LARGE1: variants seen among roughly 807,000 people sequenced by gnomAD.
LARGE1 encodes xylosyl- and glucuronyltransferase LARGE1.
A neutral mutation model predicts 87.6 loss-of-function variants in LARGE1; 43 were observed. The ratio of observed to expected loss-of-function variants is 0.49; its 90% CI spans 0.38 to 0.63. The LOEUF (loss-of-function observed/expected upper bound fraction) is 0.63. Ranked by LOEUF, LARGE1 falls within the 30% of genes least tolerant of loss-of-function variation. The pLI, the probability that LARGE1 is intolerant of heterozygous loss-of-function variation, is 0.00. For synonymous variants in LARGE1, 434 were observed against 394.6 expected, an observed-to-expected ratio of 1.10 and a Z score of -1.18; for missense variants, 802 against 1,000.2, an observed-to-expected ratio of 0.80 and a Z score of 2.67.
chr22:33,128,015 A>G, the LARGE1 span, among the ~76,000 whole-genome samples: 4 of 152,142 alleles, frequency 2.6e-5, no homozygotes, highest in Admixed American at 6.5e-5. Context: ...TCATACATAT[A>G]TTAGTATGCT....
intron 6 of LARGE1, among the ~76,000 whole-genome samples, chr22:33,508,245 T>G (rs984682433): frequency 1.3e-5 from 2 of 152,140 alleles, no homozygotes; most frequent in African/African-American, 4.8e-5. Flanking sequence ...TTCTGAAGAC[T>G]CTACTGGTGG....
intron 1 of LARGE1, among the ~76,000 whole-genome samples, chr22:33,815,909 C>A (rs2086635034): frequency 6.6e-6 from 1 of 152,142 alleles, no homozygotes; most frequent in African/African-American, 2.4e-5. Context: ...GCTGCTGAAC[C>A]ATTTGCAGAT....
intron 2 of LARGE1, among the ~76,000 whole-genome samples, chr22:33,703,577 A>C (rs573301909): frequency 6.6e-5 from 10 of 152,308 alleles, no homozygotes; most frequent in African/African-American, 2.4e-4. Flanking sequence ...CTTATAAGAG[A>C]GATGCAGGAA....
At chr22:33,384,704 A>G (rs1253563869) in intron 7 of LARGE1, among the ~76,000 whole-genome samples, 2 of 148,500 alleles carry the variant, frequency 1.3e-5, no homozygotes, top group African/African-American at 4.9e-5. Context: ...AACAATGTGA[A>G]TGGACTTCAT....
intron 9 of LARGE1, among the ~76,000 whole-genome samples, chr22:33,374,445 G>A (rs544919704): frequency 7.9e-5 from 12 of 152,128 alleles, no homozygotes; most frequent in African/African-American, 2.4e-4. Context: ...AAGATTCCAC[G>A]TAAGTTTCTC....
intron 11 of LARGE1, among the ~76,000 whole-genome samples, chr22:33,209,367 A>G (rs1207698340): frequency 6.6e-6 from 1 of 152,194 alleles, no homozygotes; most frequent in East Asian, 1.9e-4. Context: ...AGCTCTTCAC[A>G]GTGATAGTAT....
At chr22:33,346,213 C>T (rs1184416757) in intron 9 of LARGE1, among the ~76,000 whole-genome samples, 2 of 151,930 alleles carry the variant, frequency 1.3e-5, no homozygotes, top group African/African-American at 4.8e-5. Context: ...CAATACCCTA[C>T]CTTCTTTTCT....
At chr22:33,577,814 C>T (rs1176758151) in intron 5 of LARGE1, among the ~76,000 whole-genome samples, 1 of 152,132 alleles carries the variant, frequency 6.6e-6, no homozygotes, top group African/African-American at 2.4e-5. Context: ...CAGAGTTGTC[C>T]CTTTATTAAT....
chr22:33,564,697 T>G (rs1448395594), intron 6 of LARGE1, 151 bp downstream of exon 6: 1 of 735,012 alleles, frequency 1.4e-6, no homozygotes, highest in African/African-American at 1.7e-5. Flanking sequence ...CCAAGCAGAG[T>G]TGATATTGAA....
chr22:33,072,502 T>G, the LARGE1 span, among the ~76,000 whole-genome samples: 1 of 152,156 alleles, frequency 6.6e-6, no homozygotes, highest in African/African-American at 2.4e-5. Flanking sequence ...ACTGGTGGTT[T>G]TTAAATTCCT....
At chr22:33,814,071 G>A (rs1463322892) in intron 1 of LARGE1, among the ~76,000 whole-genome samples, 1 of 152,178 alleles carries the variant, frequency 6.6e-6, no homozygotes, top group Admixed American at 6.6e-5. Context: ...GAGGCCAAGA[G>A]TGTAAATCAT....
chr22:33,300,965 G>T (rs1934065249), intron 12 of LARGE1, among the ~76,000 whole-genome samples: 1 of 152,180 alleles, frequency 6.6e-6, no homozygotes, highest in Non-Finnish European at 1.5e-5. Context: ...GTTAGCCACT[G>T]CACCTGGCCA....
intron 1 of LARGE1, among the ~76,000 whole-genome samples, chr22:33,768,284 C>T (rs1390480922): frequency 6.6e-6 from 1 of 152,082 alleles, no homozygotes; most frequent in Non-Finnish European, 1.5e-5. Flanking sequence ...GGCGACAGAG[C>T]GAGACTCCGT....
rs150458375 is a variant in LARGE1, at chr22:33,850,226, A to ATAACAC, written c.-83+69763_-83+69768dup. On this transcript the variant is annotated intron_variant, in intron 1 of 14. Coordinates refer to ENST00000397394, the MANE Select transcript of LARGE1 (RefSeq NM_133642.5). ...CCAGGCCCTACCACCAGCAGCAGCA[A>ATAACAC]TAACACGGCCTTCAAACAGGGATTT... Among the ~76,000 whole-genome samples the ATAACAC allele has an allele frequency of 9.5e-3, 1,441 of 152,326 alleles. 19 individuals are homozygous for ATAACAC. Among genetic ancestry groups the ATAACAC allele is most frequent in the African/African-American group, 0.031 (1,309 of 41,564 alleles).
intron 1 of LARGE1, among the ~76,000 whole-genome samples, chr22:33,807,816 C>T (rs576326965): frequency 1.3e-5 from 2 of 152,308 alleles, no homozygotes; most frequent in South Asian, 2.1e-4. Context: ...TCTTCCATGT[C>T]TTTTCATGGC....
rs375137463 is a variant in LARGE1 at position 33,237,896 on chromosome 22, C to T, written c.1730+66333G>A. Among the ~76,000 whole-genome samples the T allele has an allele frequency of 1.8e-3, 278 of 152,232 alleles. 11 individuals are homozygous for T. The South Asian group carries it at 0.054, about 29-fold the overall frequency. ...TAGGTAAATAAATGTGCATAACGCACGGGAGTACAGTATGGTAAAGGAAAG... is the reference window on the plus strand; with the variant it reads ...TAGGTAAATAAATGTGCATAACGCATGGGAGTACAGTATGGTAAAGGAAAG... On this transcript the variant is annotated intron_variant, in intron 11 of 11. Transcript: ENST00000608642.
intron 11 of LARGE1, among the ~76,000 whole-genome samples, chr22:33,193,930 A>G (rs1270308667): frequency 8.0e-6 from 1 of 124,322 alleles, no homozygotes; most frequent in East Asian, 2.1e-4. Context: ...ATATATATTA[A>G]ATATGTTATA....
chr22:33,464,725 G>T (rs1039628720), intron 6 of LARGE1, among the ~76,000 whole-genome samples: 3 of 152,112 alleles, frequency 2.0e-5, no homozygotes, highest in Non-Finnish European at 4.4e-5. Flanking sequence ...GGTTAAGATG[G>T]GTGGCAATAA....
At chr22:33,101,145 T>C in the LARGE1 span, among the ~76,000 whole-genome samples, 1 of 151,516 alleles carries the variant, frequency 6.6e-6, no homozygotes, top group Admixed American at 6.6e-5. Context: ...ATGCTTGGCC[T>C]GCATTAACTT....
Sources: gnomAD v4.1 joint callset for allele counts (sites outside exome capture counted in the v4.1 genomes callset) on GRCh38, gnomAD v4.1.1 for gene constraint, MANE v1.5 for transcripts, NCBI Gene and HGNC (gene_info 2026-07-23, HGNC 2026-07-21) for gene names.